The following RTN4RL1 variants were observed in gnomAD, a reference collection of about 807,000 sequenced individuals.
RTN4RL1 encodes reticulon 4 receptor like 1, also known as reticulon-4 receptor-like 1.
A neutral mutation model predicts 25.6 loss-of-function variants in RTN4RL1; 7 were observed. That is an observed-to-expected ratio of 0.27 (90% CI 0.16 to 0.51). The LOEUF is 0.51. Ranked by LOEUF, RTN4RL1 falls within the 20% of genes least tolerant of loss-of-function variation. The pLI is 0.97. For missense variants in RTN4RL1, 500 were observed against 615.6 expected (o/e 0.81, Z 1.99); for synonymous variants, 297 against 288.2 (o/e 1.03, Z -0.31).
At chr17:1,996,047 C>T (rs12947098) in intron 1 of RTN4RL1, among the ~76,000 whole-genome samples, 1 of 152,036 alleles carries the variant, frequency 6.6e-6, no homozygotes, top group African/African-American at 2.4e-5. Context: ...TGGGCCCTGC[C>T]CTGCCCTGGC....
chr17:1,956,241 A>G (rs2151308629), intron 1 of RTN4RL1, among the ~76,000 whole-genome samples: 1 of 152,316 alleles, frequency 6.6e-6, no homozygotes, highest in South Asian at 2.1e-4. Context: ...GCGAATAGGT[A>G]AACAGGCACT....
chr17:1,965,864 G>T (rs542246179), intron 1 of RTN4RL1, among the ~76,000 whole-genome samples: 117 of 152,318 alleles, frequency 7.7e-4, no homozygotes, highest in Admixed American at 1.3e-3. Context: ...TGTGCCTGTG[G>T]TGAGGACTAT....
intron 1 of RTN4RL1, among the ~76,000 whole-genome samples, chr17:1,980,318 GC>G (rs2066861774): frequency 6.7e-6 from 1 of 150,030 alleles, no homozygotes; most frequent in Non-Finnish European, 1.5e-5. Context: ...TGATCTGCCT[GC>G]CTCGGCCTCC....
chr17:1,982,643 G>GAAAAGAA (rs2066872545), intron 1 of RTN4RL1, among the ~76,000 whole-genome samples: 1 of 151,558 alleles, frequency 6.6e-6, no homozygotes, highest in African/African-American at 2.4e-5. Flanking sequence ...GAAAAGAAAA[G>GAAAAGAA]AAAAGAAACT....
intron 1 of RTN4RL1, among the ~76,000 whole-genome samples, chr17:2,024,025 C>T (rs1567536689): frequency 6.6e-6 from 1 of 152,110 alleles, no homozygotes; most frequent in Non-Finnish European, 1.5e-5. Context: ...CGTGGGCTCC[C>T]GGCGTGATCA....
intron 1 of RTN4RL1, among the ~76,000 whole-genome samples, chr17:1,950,487 TA>T (rs1915650393): frequency 6.6e-6 from 1 of 151,884 alleles, no homozygotes; most frequent in Non-Finnish European, 1.5e-5. Context: ...CAGCTGGAAG[TA>T]CAAAACTGAA....
chr17:2,022,648 G>C (rs2067223710), intron 1 of RTN4RL1, among the ~76,000 whole-genome samples: 1 of 152,256 alleles, frequency 6.6e-6, no homozygotes, highest in Non-Finnish European at 1.5e-5. Context: ...GGCCAAGAGA[G>C]AAAACTGCCT....
intron 1 of RTN4RL1, among the ~76,000 whole-genome samples, chr17:1,990,949 C>A (rs2066905916): frequency 6.6e-6 from 1 of 152,112 alleles, no homozygotes; most frequent in African/African-American, 2.4e-5. Flanking sequence ...AGTGCTCCCC[C>A]TGCATAGCCA....
intron 1 of RTN4RL1, among the ~76,000 whole-genome samples, chr17:1,941,990 G>A (rs1915447690): frequency 6.6e-6 from 1 of 152,184 alleles, no homozygotes; most frequent in South Asian, 2.1e-4. Flanking sequence ...CCCGAGCCTT[G>A]GCGGTGCATT....
intron 1 of RTN4RL1, among the ~76,000 whole-genome samples, chr17:1,961,976 A>G (rs2066765872): frequency 2.3e-5 from 3 of 130,802 alleles, no homozygotes; most frequent in Admixed American, 7.4e-5. Context: ...AAAAGAAAGA[A>G]AAGAAAGAAA....
intron 1 of RTN4RL1, among the ~76,000 whole-genome samples, chr17:1,951,474 CAG>C (rs1436931663): frequency 6.6e-6 from 1 of 151,504 alleles, no homozygotes; most frequent in Non-Finnish European, 1.5e-5. Flanking sequence ...TTTTTTGGGA[CAG>C]AGTCTCGCTC....
At chr17:1,977,750 A>G (rs908338256) in intron 1 of RTN4RL1, among the ~76,000 whole-genome samples, 21 of 152,076 alleles carry the variant, frequency 1.4e-4, no homozygotes, top group African/African-American at 4.8e-4. Flanking sequence ...CCCGGCCCTC[A>G]CCGAGGTGTT....
At chr17:1,979,475 TAAAA>T (rs902291028) in intron 1 of RTN4RL1, among the ~76,000 whole-genome samples, 1 of 148,990 alleles carries the variant, frequency 6.7e-6, no homozygotes, top group Non-Finnish European at 1.5e-5. Flanking sequence ...AGACCCTGTC[TAAAA>T]AAAAGAAAAA....
intron 1 of RTN4RL1, among the ~76,000 whole-genome samples, chr17:1,971,021 T>C (rs1178003446): frequency 6.6e-6 from 1 of 152,198 alleles, no homozygotes; most frequent in African/African-American, 2.4e-5. Flanking sequence ...GAAGGCACAT[T>C]GTGTACATTA....
chr17:1,974,546 A>G (rs1377680275), intron 1 of RTN4RL1, among the ~76,000 whole-genome samples: 1 of 152,164 alleles, frequency 6.6e-6, no homozygotes, highest in Non-Finnish European at 1.5e-5. Flanking sequence ...GGTGGGGCCT[A>G]GGGCATCCAC....
At chr17:2,019,012 G>C (rs970864208) in intron 1 of RTN4RL1, 3 of 152,226 alleles carry the variant, frequency 2.0e-5, no homozygotes, top group African/African-American at 7.2e-5. Flanking sequence ...TCTAGTGATG[G>C]ACACCAAGTC....
intron 1 of RTN4RL1, among the ~76,000 whole-genome samples, chr17:1,996,047 C>G (rs12947098): frequency 0.27 from 40,718 of 152,112 alleles, 5,620 homozygotes; most frequent in Middle Eastern, 0.3. Context: ...TGGGCCCTGC[C>G]CTGCCCTGGC....
chr17:1,965,671 C>T (rs758452848), intron 1 of RTN4RL1, among the ~76,000 whole-genome samples: 46 of 152,206 alleles, frequency 3.0e-4, no homozygotes, highest in Admixed American at 7.2e-4. Context: ...GGAGAGTTGG[C>T]TCAAGGTAGA....
At chr17:1,966,566 C>A (rs925885878) in intron 1 of RTN4RL1, among the ~76,000 whole-genome samples, 2 of 152,092 alleles carry the variant, frequency 1.3e-5, no homozygotes, top group African/African-American at 4.8e-5. Flanking sequence ...CAGCGTGCTC[C>A]TAGCCTAGGA....
Sources: gnomAD v4.1 joint callset for allele counts (sites outside exome capture counted in the v4.1 genomes callset) on GRCh38, gnomAD v4.1.1 for gene constraint, MANE v1.5 for transcripts, NCBI Gene and HGNC (gene_info 2026-07-23, HGNC 2026-07-21) for gene names.